CACHD1: variants seen among roughly 807,000 people sequenced by gnomAD.
CACHD1 encodes the protein VWFA and cache domain-containing protein 1.
A neutral mutation model predicts 138.7 loss-of-function variants in CACHD1; 71 were observed. The ratio of observed to expected loss-of-function variants is 0.51; its 90% CI spans 0.42 to 0.62. The LOEUF (loss-of-function observed/expected upper bound fraction) is 0.62, where lower values mean the gene tolerates loss of function less well. CACHD1 is among the 20% of genes least tolerant of loss of function. The pLI, the probability that CACHD1 is intolerant of heterozygous loss-of-function variation, is 0.00. For synonymous variants in CACHD1, 578 were observed against 591.5 expected, an observed-to-expected ratio of 0.98 and a Z score of 0.33; for missense variants, 1,389 against 1,625.3, an observed-to-expected ratio of 0.85 and a Z score of 2.50.
chr1:64,516,034 G>C lies in CACHD1; in HGVS notation c.199-34560G>C, dbSNP rs139408866. Among the ~76,000 whole-genome samples, 34 of 152,208 alleles carry C rather than the reference G, an allele frequency of 2.2e-4. No individual in the cohort carries two copies. In the East Asian group the frequency reaches 6.0e-3, roughly 27 times the overall value. ...ATTGTTAATAGGATTTTCATATATA[G>C]GTTGCAAATATCTGAAAAAAATATT... On this transcript the variant is annotated intron_variant, in intron 1 of 26. Coordinates refer to ENST00000651257, the MANE Select transcript of CACHD1 (RefSeq NM_020925.4).
chr1:64,569,746 G>A (rs1197767682), intron 2 of CACHD1, among the ~76,000 whole-genome samples: 1 of 111,890 alleles, frequency 8.9e-6, no homozygotes, highest in Non-Finnish European at 1.9e-5. Context: ...TCTTCTTTCA[G>A]TGAAGCAGAC....
chr1:64,678,128 T>C (rs1650053825), intron 22 of CACHD1, 31 bp from the exon 23 acceptor site: 1 of 1,605,028 alleles, frequency 6.2e-7, no homozygotes, highest in African/African-American at 1.3e-5. Flanking sequence ...CACACTGCTT[T>C]ATAGAAGACT....
At chr1:64,594,900 C>A (rs1446176706) in intron 3 of CACHD1, among the ~76,000 whole-genome samples, 3 of 152,200 alleles carry the variant, frequency 2.0e-5, no homozygotes, top group African/African-American at 7.2e-5. Context: ...TATCTATAAT[C>A]TCTTTCTGGG....
At chr1:64,637,827 G>C (rs7552434) in intron 7 of CACHD1, among the ~76,000 whole-genome samples, 1 of 152,002 alleles carries the variant, frequency 6.6e-6, no homozygotes, top group Non-Finnish European at 1.5e-5. Flanking sequence ...AGGAATGAGC[G>C]TTGTCCAGTT....
intron 2 of CACHD1, among the ~76,000 whole-genome samples, chr1:64,576,299 A>G (rs894128254): frequency 6.6e-6 from 1 of 152,228 alleles, no homozygotes; most frequent in Middle Eastern, 3.4e-3. Flanking sequence ...GTCTGCAGGG[A>G]TCATGGCAGG....
chr1:64,520,771 A>C (rs1646492499), intron 1 of CACHD1, among the ~76,000 whole-genome samples: 1 of 152,168 alleles, frequency 6.6e-6, no homozygotes, highest in Non-Finnish European at 1.5e-5. Flanking sequence ...ATTAGTTACC[A>C]TTTACTGAGC....
rs549961607 is a variant in CACHD1, at chr1:64,578,067, T to C, written c.262-4089T>C. On this transcript the variant is annotated intron_variant, in intron 2 of 26. Transcript: ENST00000651257. ...CCTTTTAACATTCTGCTCTTTGCCT[T>C]GTTTGATTATGTTAACAGAAATTCT... 3.9e-5 allele frequency among the ~76,000 whole-genome samples: 6 copies of C among 152,324 alleles called. No homozygotes were observed. The East Asian group carries it at 9.6e-4, about 24-fold the overall frequency.
intron 3 of CACHD1, among the ~76,000 whole-genome samples, chr1:64,589,090 AG>A (rs1200662066): frequency 6.6e-6 from 1 of 152,200 alleles, no homozygotes; most frequent in Non-Finnish European, 1.5e-5. Flanking sequence ...ATATTCTCTC[AG>A]GGGAAACTTA....
chr1:64,646,888 A>ATC (rs1485244065), intron 8 of CACHD1, among the ~76,000 whole-genome samples: 2 of 152,182 alleles, frequency 1.3e-5, no homozygotes, highest in African/African-American at 2.4e-5. Context: ...ATTCTTTTTA[A>ATC]TGATTGAATA....
chr1:64,500,575 G>A (rs928184343), intron 1 of CACHD1, among the ~76,000 whole-genome samples: 46 of 151,984 alleles, frequency 3.0e-4, no homozygotes, highest in African/African-American at 1.0e-3. Context: ...TACTGCGGCC[G>A]GGCTCAGTGG....
At chr1:64,477,445 CA>C (rs1214051654) in intron 1 of CACHD1, among the ~76,000 whole-genome samples, 3 of 151,970 alleles carry the variant, frequency 2.0e-5, no homozygotes, top group Non-Finnish European at 2.9e-5. Flanking sequence ...TTTTAAACTA[CA>C]AAGATTTAAA....
In CACHD1 at chr1:64,681,444, C is replaced by T. The variant is rs1289369791; in HGVS notation, c.3484+109C>T. The T allele has an allele frequency of 7.4e-6, 6 of 808,872 alleles. No individual in the cohort carries two copies. The East Asian group carries it at 8.6e-5, about 12-fold the overall frequency. The allele number at this position is 808,872 out of a possible 1,614,324, so 50.1% of individuals were successfully genotyped here. A position where few individuals can be genotyped will look rare whatever the true frequency, so the allele number is the denominator to read the frequency against. ...TGTATTAAAATTTAAGAAGCTTTGA[C>T]ACGGTGGCTGGGTTTTTTTAGTTGT... On this transcript the variant is annotated intron_variant, in intron 25 of 26. Transcript: ENST00000651257.
At chr1:64,518,571 A>G (rs1646475824) in intron 1 of CACHD1, among the ~76,000 whole-genome samples, 1 of 152,214 alleles carries the variant, frequency 6.6e-6, no homozygotes, top group South Asian at 2.1e-4. Flanking sequence ...TGCAAAATTT[A>G]ACACAGAATC....
chr1:64,630,565 T>C (rs978547752), intron 5 of CACHD1, among the ~76,000 whole-genome samples: 4 of 152,218 alleles, frequency 2.6e-5, no homozygotes, highest in Non-Finnish European at 5.9e-5. Flanking sequence ...ATTACAGGCA[T>C]GAGCCACCGT....
intron 4 of CACHD1, among the ~76,000 whole-genome samples, chr1:64,610,796 G>A (rs35053257): frequency 0.62 from 94,216 of 152,044 alleles, 31,106 homozygotes; most frequent in East Asian, 0.77. Context: ...ACTTTGCTAG[G>A]CAGTGCCCCA....
rs1015033378 is a variant in CACHD1, at chr1:64,470,649, ACTTTTGCGGGGTGCGCCGCG to A, written c.-84_-65del. On this transcript the variant is annotated 5_prime_UTR_variant, in exon 1 of 27. Coordinates refer to ENST00000651257, the MANE Select transcript of CACHD1 (RefSeq NM_020925.4). The surrounding 1 kb of genome is among the most constrained non-coding windows in gnomAD (Gnocchi z 5.2). ...AGCAGAGCCTGCAACAGAGGAAGAA[ACTTTTGCGGGGTGCGCCGCG>A]CTTTTGCGGGGGGCACCTCCCGCGG... 3 of 443,160 alleles carry A rather than the reference ACTTTTGCGGGGTGCGCCGCG, an allele frequency of 6.8e-6. No homozygotes were observed. Among genetic ancestry groups the A allele is most frequent in the African/African-American group, 2.1e-5 (1 of 47,970 alleles). The allele number at this position is 443,160 out of a possible 1,614,324, so 27.5% of individuals were successfully genotyped here.
intron 19 of CACHD1, among the ~76,000 whole-genome samples, chr1:64,675,103 A>G (rs926142458): frequency 3.3e-5 from 5 of 152,172 alleles, no homozygotes; most frequent in Non-Finnish European, 7.4e-5. Context: ...GTATATTGTT[A>G]TGTGTTAAGA....
chr1:64,657,428 A>G (rs192413290), intron 12 of CACHD1, among the ~76,000 whole-genome samples: 57 of 152,286 alleles, frequency 3.7e-4, no homozygotes, highest in Admixed American at 7.2e-4. Flanking sequence ...TTTTCTAGTC[A>G]TTCTGGTAGG....
intron 19 of CACHD1, among the ~76,000 whole-genome samples, chr1:64,674,316 C>T (rs1649914740): frequency 6.6e-6 from 1 of 152,156 alleles, no homozygotes; most frequent in Non-Finnish European, 1.5e-5. Flanking sequence ...TTGAGAAGCA[C>T]TGTTTTTAAA....
Sources: allele counts gnomAD v4.1 joint callset (sites outside exome capture counted in the v4.1 genomes callset), GRCh38; gene constraint gnomAD v4.1.1; non-coding constraint Gnocchi (gnomAD v3.1); transcripts MANE v1.5; gene names NCBI Gene and HGNC (gene_info 2026-07-23, HGNC 2026-07-21).